MBP: variants seen among roughly 807,000 people sequenced by gnomAD.
The protein encoded by MBP is Golli-MBP.
In MBP, 16 loss-of-function variants were observed where a neutral mutation model predicts 35.8. The ratio of observed to expected loss-of-function variants is 0.45; its 90% CI spans 0.30 to 0.68. The LOEUF (loss-of-function observed/expected upper bound fraction) is 0.68. MBP is among the 30% of genes least tolerant of loss of function. The pLI is 0.08. For synonymous variants in MBP, 143 were observed against 159.6 expected, an observed-to-expected ratio of 0.90 and a Z score of 0.78; for missense variants, 380 against 404.7, an observed-to-expected ratio of 0.94 and a Z score of 0.52.
rs1969781723 is a variant in MBP, at chr18:76,989,739, A to T, written c.681+217T>A. 1.9e-6 allele frequency: 1 copy of T among 535,200 alleles called. No individual in the cohort carries two copies. The highest frequency in any genetic ancestry group is 3.4e-6 in the Non-Finnish European group (1 of 298,200). 33.2% of individuals were successfully genotyped at this position (535,200 alleles called of 1,614,324 possible). On this transcript the variant is annotated intron_variant, in intron 5 of 8. Transcript: ENST00000355994. The surrounding 1 kb of genome is among the most constrained non-coding windows in gnomAD (Gnocchi z 4.0). ...GAGAAGTGAGCTCTCTGGAGAACGCACGGAGCGCACGGTGCAATCCGTGGC... is the reference window on the plus strand; with the variant it reads ...GAGAAGTGAGCTCTCTGGAGAACGCTCGGAGCGCACGGTGCAATCCGTGGC...
At chr18:77,021,831 CTTTA>C (rs1972001716) in intron 3 of MBP, among the ~76,000 whole-genome samples, 1 of 152,150 alleles carries the variant, frequency 6.6e-6, no homozygotes, top group Non-Finnish European at 1.5e-5. Flanking sequence ...CAGCTCCTTT[CTTTA>C]TTTCTCAGTG....
intron 2 of MBP, among the ~76,000 whole-genome samples, chr18:77,094,877 C>T (rs1486350588): frequency 3.3e-5 from 5 of 152,142 alleles, no homozygotes; most frequent in African/African-American, 9.7e-5. Context: ...ATAAGGGTCT[C>T]GTTTCGTGTG....
intron 4 of MBP, among the ~76,000 whole-genome samples, chr18:77,001,684 C>G (rs1380775910): frequency 1.3e-5 from 2 of 152,180 alleles, no homozygotes; most frequent in Non-Finnish European, 2.9e-5. Flanking sequence ...AACCCCCTCT[C>G]TACTAAAATA....
intron 8 of MBP, 164 bp downstream of exon 8, chr18:76,984,611 G>T: frequency 2.4e-6 from 2 of 845,838 alleles, no homozygotes; most frequent in South Asian, 1.7e-5. Flanking sequence ...CGTAAATGCG[G>T]GTGGGCAATG....
chr18:77,089,402 CAG>C (rs1039140211), intron 2 of MBP, among the ~76,000 whole-genome samples: 26 of 152,314 alleles, frequency 1.7e-4, no homozygotes, highest in African/African-American at 6.0e-4. Context: ...GGAGAGAAGA[CAG>C]AGAGCTACAC....
chr18:77,061,510 G>A (rs969518760), intron 3 of MBP, among the ~76,000 whole-genome samples: 1 of 152,160 alleles, frequency 6.6e-6, no homozygotes. Context: ...ACAAACAGAG[G>A]AGTTCATTGC....
At chr18:77,066,044 G>A in intron 3 of MBP, 1 of 422,942 alleles carries the variant, frequency 2.4e-6, no homozygotes, top group Non-Finnish European at 4.2e-6. Flanking sequence ...TTTATTTTTT[G>A]TAGAGACGAG....
At chr18:77,123,137 A>T (rs1976940530) in intron 1 of MBP, among the ~76,000 whole-genome samples, 1 of 152,220 alleles carries the variant, frequency 6.6e-6, no homozygotes, top group Admixed American at 6.5e-5. Context: ...TTTAAAAAGT[A>T]ATGGTACGTT....
intron 4 of MBP, chr18:77,009,723 A>G: frequency 2.5e-6 from 2 of 805,050 alleles, no homozygotes; most frequent in South Asian, 1.8e-5. Flanking sequence ...GGCCTCACAG[A>G]TGCCCCGGAG....
chr18:77,016,647 G>T (rs1047919840), intron 4 of MBP, 185 bp downstream of exon 4: 68 of 1,418,562 alleles, frequency 4.8e-5, no homozygotes, highest in Non-Finnish European at 6.2e-5. Context: ...TGAGTTAAAC[G>T]AAAACGTCCT....
intron 3 of MBP, among the ~76,000 whole-genome samples, chr18:77,053,820 G>A (rs13381797): frequency 0.055 from 8,381 of 152,340 alleles, 727 homozygotes; most frequent in African/African-American, 0.18. Context: ...AGCCGGGCCT[G>A]CGTCTAGGTG....
chr18:77,106,523 G>A (rs952376914), intron 1 of MBP, among the ~76,000 whole-genome samples: 3 of 152,102 alleles, frequency 2.0e-5, no homozygotes, highest in African/African-American at 7.2e-5. Context: ...CCACAGACTG[G>A]AAACCCCACC....
chr18:77,094,867 A>C (rs1599234939), intron 2 of MBP, among the ~76,000 whole-genome samples: 1 of 152,328 alleles, frequency 6.6e-6, no homozygotes, highest in East Asian at 1.9e-4. Flanking sequence ...TTGTTCAGTT[A>C]TAAGGGTCTC....
At chr18:77,114,946 G>C (rs1976608763) in intron 1 of MBP, 1 of 152,480 alleles carries the variant, frequency 6.6e-6, no homozygotes, top group African/African-American at 2.4e-5. Context: ...CTCCCTGTCT[G>C]CTCTGAGGAT....
At chr18:77,111,069 C>T (rs375997548) in intron 1 of MBP, among the ~76,000 whole-genome samples, 2 of 152,296 alleles carry the variant, frequency 1.3e-5, no homozygotes, top group Admixed American at 1.3e-4. Context: ...CTAGACCTCT[C>T]GCTGGGTCTC....
rs1599255018 is a variant in MBP, at chr18:77,105,299, G to C, written c.-25-13C>G. 6.4e-7 allele frequency: 1 copy of C among 1,561,380 alleles called. No individual in the cohort carries two copies. Among genetic ancestry groups the C allele is most frequent in the Non-Finnish European group, 8.8e-7 (1 of 1,132,944 alleles). ...GGCTCTTCAGAGGCTAAAAGAGAAAGAGAAAGTGTCAGCCCTAAGTCTAGT... is the reference window on the plus strand; with the variant it reads ...GGCTCTTCAGAGGCTAAAAGAGAAACAGAAAGTGTCAGCCCTAAGTCTAGT... On this transcript the variant is annotated splice_polypyrimidine_tract_variant and intron_variant, in intron 1 of 8. Transcript: ENST00000355994.
chr18:76,979,844 C>T lies in MBP; in HGVS notation c.*583G>A, dbSNP rs1969077183. On this transcript the variant is annotated 3_prime_UTR_variant, in exon 9 of 9. Transcript: ENST00000355994. ...TGTGCTGCCCCACGTTGGACTCTAA[C>T]AGCTGCCCAGCCCGCATGTCACATA... 3.1e-6 allele frequency: 2 copies of T among 652,288 alleles called. No homozygotes were observed. Among genetic ancestry groups the T allele is most frequent in the East Asian group, 2.7e-5 (1 of 36,966 alleles). The allele number at this position is 652,288 out of a possible 1,614,324, so 40.4% of individuals were successfully genotyped here.
chr18:77,001,721 A>G (rs1204614121), intron 4 of MBP, among the ~76,000 whole-genome samples: 1 of 152,086 alleles, frequency 6.6e-6, no homozygotes. Flanking sequence ...GTGGTGGCGG[A>G]CACCTGTAAT....
chr18:77,070,102 G>A (rs1974376371), intron 2 of MBP, among the ~76,000 whole-genome samples: 1 of 152,074 alleles, frequency 6.6e-6, no homozygotes, highest in South Asian at 2.1e-4. Context: ...AGGTCTACTC[G>A]CAAAACAAAT....
Sources: gnomAD v4.1 joint callset for allele counts (sites outside exome capture counted in the v4.1 genomes callset) on GRCh38, gnomAD v4.1.1 for gene constraint, Gnocchi (gnomAD v3.1) non-coding constraint, MANE v1.5 for transcripts, NCBI Gene and HGNC (gene_info 2026-07-23, HGNC 2026-07-21) for gene names.